FAM107B: variants seen among roughly 807,000 people sequenced by gnomAD.
The protein encoded by FAM107B is family with sequence similarity 107 member B.
FAM107B carries 21 observed loss-of-function variants against 31.5 expected under a neutral mutation model. That is an observed-to-expected ratio of 0.67 (90% CI 0.47 to 0.96). The LOEUF (loss-of-function observed/expected upper bound fraction) is 0.96. FAM107B is among the 40% of genes least tolerant of loss of function. The pLI is 0.00. For synonymous variants in FAM107B, 157 were observed against 141.5 expected (o/e 1.11, Z -0.78); for missense variants, 452 against 377.1 (o/e 1.20, Z -1.64).
intron 1 of FAM107B, among the ~76,000 whole-genome samples, chr10:14,688,143 C>T (rs1362364434): frequency 2.0e-5 from 3 of 152,200 alleles, no homozygotes; most frequent in Non-Finnish European, 4.4e-5. Flanking sequence ...CTCTCCTGTG[C>T]TGGATGCTTC....
At chr10:14,759,098 A>G (rs965801521) in intron 1 of FAM107B, among the ~76,000 whole-genome samples, 15 of 150,840 alleles carry the variant, frequency 9.9e-5, no homozygotes, top group African/African-American at 3.7e-4. Flanking sequence ...AATCGCTTGA[A>G]CCCAGGAGGT....
chr10:14,604,685 A>C (rs1255765584), intron 2 of FAM107B, among the ~76,000 whole-genome samples: 1 of 152,040 alleles, frequency 6.6e-6, no homozygotes, highest in African/African-American at 2.4e-5. Context: ...CGCGTGGGTC[A>C]CAGCCACAAA....
intron 2 of FAM107B, among the ~76,000 whole-genome samples, chr10:14,573,393 G>A (rs1465404729): frequency 6.6e-6 from 1 of 152,042 alleles, no homozygotes; most frequent in Non-Finnish European, 1.5e-5. Flanking sequence ...ACCAGATGCA[G>A]GCCCTCGACC....
chr10:14,600,731 C>T (rs539926929), intron 2 of FAM107B, among the ~76,000 whole-genome samples: 89 of 152,222 alleles, frequency 5.8e-4, no homozygotes, highest in Non-Finnish European at 1.1e-3. Flanking sequence ...CCTCGAACTC[C>T]TGGGCTCAAG....
chr10:14,644,262 C>T (rs1026143725), intron 2 of FAM107B, among the ~76,000 whole-genome samples: 1 of 152,176 alleles, frequency 6.6e-6, no homozygotes, highest in Admixed American at 6.5e-5. Context: ...CATTTAATTC[C>T]CTATTTAACC....
chr10:14,677,093 C>T (rs1457569009), intron 1 of FAM107B, among the ~76,000 whole-genome samples: 3 of 152,144 alleles, frequency 2.0e-5, no homozygotes, highest in Non-Finnish European at 4.4e-5. Context: ...TGCCCCTTTC[C>T]CTCCTCTTTC....
chr10:14,599,495 C>T (rs1448101634), intron 2 of FAM107B, among the ~76,000 whole-genome samples: 3 of 152,180 alleles, frequency 2.0e-5, no homozygotes, highest in Non-Finnish European at 2.9e-5. Flanking sequence ...GGACTATTCA[C>T]GTGTGCTTAA....
At chr10:14,624,284 G>A (rs1853096418) in intron 2 of FAM107B, among the ~76,000 whole-genome samples, 1 of 152,200 alleles carries the variant, frequency 6.6e-6, no homozygotes, top group African/African-American at 2.4e-5. Context: ...TTCCAAGGCT[G>A]GTGGGAAAAG....
At chr10:14,581,454 G>A (rs118032473) in intron 2 of FAM107B, among the ~76,000 whole-genome samples, 1 of 152,228 alleles carries the variant, frequency 6.6e-6, no homozygotes, top group African/African-American at 2.4e-5. Context: ...CAGAGTTCCA[G>A]GCCACCAAAT....
At chr10:14,604,712 T>G (rs959847355) in intron 2 of FAM107B, among the ~76,000 whole-genome samples, 2 of 151,996 alleles carry the variant, frequency 1.3e-5, no homozygotes, top group African/African-American at 4.8e-5. Context: ...GGGCGCTCAC[T>G]CTCCTTTTTT....
chr10:14,752,128 C>A (rs1004328613), intron 1 of FAM107B, among the ~76,000 whole-genome samples: 1 of 152,188 alleles, frequency 6.6e-6, no homozygotes, highest in African/African-American at 2.4e-5. Context: ...TCTGCTGAGG[C>A]AGCAGACTCC....
intron 2 of FAM107B, among the ~76,000 whole-genome samples, chr10:14,537,317 C>G (rs757733658): frequency 4.6e-5 from 7 of 152,204 alleles, no homozygotes; most frequent in Non-Finnish European, 8.8e-5. Context: ...GTAAGCTTCC[C>G]CTGTCACTTG....
chr10:14,519,458 G>A lies in FAM107B; in HGVS notation c.*1732C>T, dbSNP rs542237037. 6.6e-6 allele frequency: 1 copy of A among 152,160 alleles called. No individual in the cohort carries two copies. The highest frequency in any genetic ancestry group is 2.4e-5 in the African/African-American group (1 of 41,518). 9.4% of individuals were successfully genotyped at this position (152,160 alleles called of 1,614,324 possible). A position where few individuals can be genotyped will look rare whatever the true frequency, so the allele number is the denominator to read the frequency against. On this transcript the variant is annotated 3_prime_UTR_variant, in exon 5 of 5. Transcript: ENST00000181796. ...CACTTCCTTCTCTCAAAAGAACGAT[G>A]GGAAAAAATAGTTACCATTCCATTC...
intron 1 of FAM107B, among the ~76,000 whole-genome samples, chr10:14,753,311 A>G (rs1300973919): frequency 6.6e-6 from 1 of 152,230 alleles, no homozygotes; most frequent in Non-Finnish European, 1.5e-5. Context: ...AAGCTCTGCC[A>G]CTGGCTCCTA....
intron 2 of FAM107B, chr10:14,556,291 G>C (rs979998754): frequency 2.1e-6 from 2 of 951,746 alleles, no homozygotes; most frequent in African/African-American, 3.5e-5. Flanking sequence ...ATTTGATATC[G>C]GAAATTTACA....
intron 3 of FAM107B, among the ~76,000 whole-genome samples, chr10:14,528,211 T>G (rs1269292971): frequency 6.8e-6 from 1 of 147,992 alleles, no homozygotes; most frequent in African/African-American, 2.5e-5. Context: ...AGACAGAGTT[T>G]TGCTCTGTCA....
intron 2 of FAM107B, among the ~76,000 whole-genome samples, chr10:14,635,655 G>A (rs1286273037): frequency 6.6e-6 from 1 of 151,758 alleles, no homozygotes; most frequent in African/African-American, 2.4e-5. Context: ...TTTTTGAGAT[G>A]CAGTCTCGTT....
At chr10:14,548,729 T>C (rs889593016) in intron 2 of FAM107B, 2 of 919,380 alleles carry the variant, frequency 2.2e-6, no homozygotes. Context: ...CCGCAAAACG[T>C]GCCAGAAAAA....
chr10:14,602,836 T>C (rs1267639771), intron 2 of FAM107B: 3 of 152,214 alleles, frequency 2.0e-5, no homozygotes, highest in Admixed American at 6.5e-5. Context: ...TCTGTACAGG[T>C]GGTTATATGC....
Sources: gnomAD v4.1 joint callset for allele counts (sites outside exome capture counted in the v4.1 genomes callset) on GRCh38, gnomAD v4.1.1 for gene constraint, MANE v1.5 for transcripts, NCBI Gene and HGNC (gene_info 2026-07-23, HGNC 2026-07-21) for gene names.